LRCH3: variants seen among roughly 807,000 people sequenced by gnomAD.
The protein encoded by LRCH3 is leucine rich repeats and calponin homology domain containing 3.
A neutral mutation model predicts 104.5 loss-of-function variants in LRCH3; 68 were observed. That is an observed-to-expected ratio of 0.65 (90% CI 0.54 to 0.80). LRCH3 has a LOEUF of 0.80. Ranked by LOEUF, LRCH3 falls within the 30% of genes least tolerant of loss-of-function variation. LRCH3 has a pLI of 0.00. For synonymous variants in LRCH3, 344 were observed against 361.3 expected, an observed-to-expected ratio of 0.95 and a Z score of 0.54; for missense variants, 951 against 953.9, an observed-to-expected ratio of 1.00 and a Z score of 0.04.
chr3:197,792,580 TATATATATA>T (rs1730678728), intron 1 of LRCH3, among the ~76,000 whole-genome samples: 1 of 41,578 alleles, frequency 2.4e-5, no homozygotes, highest in African/African-American at 1.3e-4. Flanking sequence ...GCTAATTTTA[TATATATATA>T]TATATATATA....
At chr3:197,793,526 T>A (rs1730862374) in intron 1 of LRCH3, among the ~76,000 whole-genome samples, 1 of 152,218 alleles carries the variant, frequency 6.6e-6, no homozygotes, top group Admixed American at 6.5e-5. Context: ...AAAGAACAAG[T>A]TGATTACAGG....
intron 8 of LRCH3, among the ~76,000 whole-genome samples, chr3:197,834,658 A>G (rs1017572545): frequency 1.2e-4 from 19 of 152,220 alleles, no homozygotes; most frequent in Non-Finnish European, 2.4e-4. Context: ...TGCACCTTTC[A>G]GTCTTTAAAA....
At chr3:197,838,761 T>A (rs1320260536) in intron 9 of LRCH3, among the ~76,000 whole-genome samples, 1 of 152,254 alleles carries the variant, frequency 6.6e-6, no homozygotes, top group African/African-American at 2.4e-5. Context: ...TATTTTCCTT[T>A]TAAATACGGT....
At chr3:197,863,712 T>G (rs1471074623) in intron 15 of LRCH3, among the ~76,000 whole-genome samples, 2 of 152,218 alleles carry the variant, frequency 1.3e-5, no homozygotes, top group Non-Finnish European at 2.9e-5. Flanking sequence ...TTTTTACAGT[T>G]CTTTTGGTCA....
At chr3:197,876,043 C>G in intron 20 of LRCH3, 1 of 246,288 alleles carries the variant, frequency 4.1e-6, no homozygotes, top group South Asian at 1.2e-4. Flanking sequence ...TTCCCACTTG[C>G]TATTTGACAA....
At chr3:197,828,905 C>T (rs1290633213) in intron 5 of LRCH3, among the ~76,000 whole-genome samples, 1 of 151,894 alleles carries the variant, frequency 6.6e-6, no homozygotes, top group Non-Finnish European at 1.5e-5. Context: ...GACGGGATTT[C>T]ACCGTGTTGG....
intron 19 of LRCH3, among the ~76,000 whole-genome samples, chr3:197,874,909 G>T (rs746435819): frequency 6.6e-6 from 1 of 151,534 alleles, no homozygotes; most frequent in Non-Finnish European, 1.5e-5. Context: ...TGGCAGACTC[G>T]AGTGGTTGCA....
intron 15 of LRCH3, among the ~76,000 whole-genome samples, chr3:197,862,865 G>T (rs79390954): frequency 0.027 from 4,169 of 152,240 alleles, 176 homozygotes; most frequent in African/African-American, 0.091. Flanking sequence ...ACTGCCTTAC[G>T]AGCTCAGCTC....
At chr3:197,835,038 G>A (rs1292444832) in intron 8 of LRCH3, among the ~76,000 whole-genome samples, 2 of 152,072 alleles carry the variant, frequency 1.3e-5, no homozygotes, top group Non-Finnish European at 2.9e-5. Context: ...CAGCTACTTG[G>A]GAGGCTGAGG....
rs1711981923 is a variant in LRCH3 at position 197,870,211 on chromosome 3, A to G, written c.1925A>G (p.Asp642Gly). 5 of 1,613,168 alleles carry G rather than the reference A, an allele frequency of 3.1e-6. No individual in the cohort carries two copies. The African/African-American group carries it at 5.3e-5, about 17-fold the overall frequency. The change falls in exon 18 of 21, where the codon GAT becomes GGT. Residue 642 changes from aspartate (D) to glycine (G), a missense_variant. Asp to Gly is a moderately conservative substitution (Grantham distance 94). Coordinates refer to ENST00000425562, the MANE Select transcript of LRCH3 (RefSeq NM_001365715.1). Reference sequence around the variant, plus strand: ...GCTGCACCTACCACTGATTCTACAGATTCCATAACAGGACAGAATTCAAGA... The same window carrying G: ...GCTGCACCTACCACTGATTCTACAGGTTCCATAACAGGACAGAATTCAAGA... ...PSAAPTTDST[D>G]SITGQNSRQR...
intron 9 of LRCH3, among the ~76,000 whole-genome samples, chr3:197,836,391 A>G (rs1053902048): frequency 6.6e-6 from 1 of 152,200 alleles, no homozygotes; most frequent in African/African-American, 2.4e-5. Flanking sequence ...TCAGCCCACT[A>G]CAGAATCTCT....
rs116171226 is a variant in LRCH3, at chr3:197,874,228, G to T, written c.2131-1470G>T. Among the ~76,000 whole-genome samples the T allele has an allele frequency of 2.5e-3, 384 of 152,236 alleles. 1 individual carries two copies. The highest frequency in any genetic ancestry group is 9.0e-3 in the African/African-American group (375 of 41,514). On this transcript the variant is annotated intron_variant, in intron 19 of 20. Coordinates refer to ENST00000425562, the MANE Select transcript of LRCH3 (RefSeq NM_001365715.1). ...CACAGCAGGAGGTGAACAGGCCAGT[G>T]AGCAAAGCTTCATCTGTATTTACAG...
At chr3:197,804,455 A>T (rs1389705111) in intron 1 of LRCH3, among the ~76,000 whole-genome samples, 1 of 147,626 alleles carries the variant, frequency 6.8e-6, no homozygotes, top group Non-Finnish European at 1.6e-5. Flanking sequence ...ACTGGAAAAT[A>T]AAAAAACCTT....
intron 5 of LRCH3, among the ~76,000 whole-genome samples, chr3:197,828,817 C>T (rs374524532): frequency 6.8e-6 from 1 of 146,874 alleles, no homozygotes; most frequent in African/African-American, 2.5e-5. Flanking sequence ...AAGCGATTCT[C>T]CTGCCTCAGC....
intron 7 of LRCH3, 166 bp downstream of exon 7, chr3:197,831,029 G>A (rs376368049): frequency 1.2e-4 from 65 of 544,628 alleles, no homozygotes; most frequent in African/African-American, 1.0e-3. Context: ...GGCATTCTGC[G>A]TCCTTACCGG....
chr3:197,848,065 G>C (rs2306439), intron 12 of LRCH3, 44 bp downstream of exon 12: 738,040 of 1,602,514 alleles, frequency 0.46, 175,430 homozygotes, highest in South Asian at 0.54. Flanking sequence ...GACTGGCTAA[G>C]TGCTTATTTG....
intron 6 of LRCH3, among the ~76,000 whole-genome samples, chr3:197,830,135 A>T (rs929014750): frequency 2.6e-5 from 4 of 152,240 alleles, no homozygotes; most frequent in Non-Finnish European, 5.9e-5. Context: ...CAAGGAGTCA[A>T]GAGTTGGATT....
intron 1 of LRCH3, among the ~76,000 whole-genome samples, chr3:197,795,683 GTTGTTTTTTT>G: frequency 1.1e-5 from 1 of 92,274 alleles, no homozygotes; most frequent in East Asian, 3.3e-4. Flanking sequence ...TAAAAAAGTT[GTTGTTTTTTT>G]TTTTTTTTTT....
At chr3:197,838,017 G>A (rs1737113883) in intron 9 of LRCH3, among the ~76,000 whole-genome samples, 1 of 151,918 alleles carries the variant, frequency 6.6e-6, no homozygotes, top group South Asian at 2.1e-4. Context: ...CCGAGATTGT[G>A]CTACTGCACT....
Sources: gnomAD v4.1 joint callset for allele counts (sites outside exome capture counted in the v4.1 genomes callset) on GRCh38, gnomAD v4.1.1 for gene constraint, MANE v1.5 for transcripts, NCBI Gene and HGNC (gene_info 2026-07-23, HGNC 2026-07-21) for gene names.